FER: variants seen among roughly 807,000 people sequenced by gnomAD.
The protein encoded by FER is tyrosine-protein kinase Fer.
A neutral mutation model predicts 111.0 loss-of-function variants in FER; 63 were observed. That is an observed-to-expected ratio of 0.57 (90% CI 0.46 to 0.70). The LOEUF (loss-of-function observed/expected upper bound fraction) is 0.70. Ranked by LOEUF, FER falls within the 30% of genes least tolerant of loss-of-function variation. The pLI is 0.00. For missense variants in FER, 914 were observed against 954.0 expected (o/e 0.96, Z 0.55); for synonymous variants, 327 against 313.9 (o/e 1.04, Z -0.44).
intron 10 of FER, among the ~76,000 whole-genome samples, chr5:108,929,773 A>T (rs1754303001): frequency 6.6e-6 from 1 of 152,200 alleles, no homozygotes; most frequent in Admixed American, 6.5e-5. Flanking sequence ...ACTTTAAAAT[A>T]TCAGGGGAAA....
intron 16 of FER, among the ~76,000 whole-genome samples, chr5:109,060,784 A>T (rs1186665377): frequency 6.8e-6 from 1 of 147,944 alleles, no homozygotes; most frequent in Admixed American, 6.7e-5. Flanking sequence ...ATATATATAT[A>T]TATACACACC....
chr5:109,050,737 C>A (rs1421374984), intron 16 of FER, among the ~76,000 whole-genome samples: 1 of 151,960 alleles, frequency 6.6e-6, no homozygotes, highest in African/African-American at 2.4e-5. Context: ...TAAACTGATA[C>A]CAAGAATAAA....
chr5:108,950,967 TA>T (rs35248332), intron 11 of FER, among the ~76,000 whole-genome samples: 30,749 of 149,824 alleles, frequency 0.21, 3,702 homozygotes, highest in African/African-American at 0.34. Context: ...CCTATGGAAT[TA>T]AAAAAAAAAT....
At chr5:108,976,113 C>A (rs921490971) in intron 13 of FER, among the ~76,000 whole-genome samples, 5 of 151,984 alleles carry the variant, frequency 3.3e-5, no homozygotes, top group Non-Finnish European at 7.4e-5. Context: ...ATTTAGCATG[C>A]GACAAGGGCC....
intron 3 of FER, among the ~76,000 whole-genome samples, chr5:108,812,969 G>C (rs1352110661): frequency 6.6e-6 from 1 of 151,914 alleles, no homozygotes; most frequent in Non-Finnish European, 1.5e-5. Context: ...TAAATAATAA[G>C]TACATAATTC....
At chr5:109,010,238 A>G (rs1766068345) in intron 13 of FER, among the ~76,000 whole-genome samples, 1 of 152,056 alleles carries the variant, frequency 6.6e-6, no homozygotes, top group African/African-American at 2.4e-5. Context: ...GCCCACTGCA[A>G]GCTCCGCCTC....
In FER at chr5:109,051,472, G is replaced by C; in HGVS notation, c.1924+4274G>C. The C allele has an allele frequency of 5.0e-6, 8 of 1,613,080 alleles. No homozygotes were observed. In the South Asian group the frequency reaches 8.8e-5, roughly 18 times the overall value. On this transcript the variant is annotated intron_variant, in intron 16 of 19. Transcript: ENST00000281092. ...GGGGAAATCAAAAGGCTGTGCGTGG[G>C]AGTTAGAGATGGTGCTTCCCGCCTG... is the stretch of plus-strand genomic sequence containing the variant.
At chr5:108,809,956 A>G (rs1024452999) in intron 3 of FER, among the ~76,000 whole-genome samples, 1 of 152,214 alleles carries the variant, frequency 6.6e-6, no homozygotes, top group Non-Finnish European at 1.5e-5. Context: ...TGATGTCACT[A>G]CATTCACATT....
chr5:108,921,807 A>G (rs1167299098), intron 10 of FER, among the ~76,000 whole-genome samples: 1 of 152,190 alleles, frequency 6.6e-6, no homozygotes, highest in Non-Finnish European at 1.5e-5. Flanking sequence ...GTAGGAATAG[A>G]TGTTTATTTG....
chr5:109,156,913 G>A (rs1401041516), intron 17 of FER, among the ~76,000 whole-genome samples: 1 of 152,020 alleles, frequency 6.6e-6, no homozygotes, highest in Non-Finnish European at 1.5e-5. Flanking sequence ...AGAGAATGGG[G>A]TGATATCTGG....
chr5:109,184,056 T>A (rs1251821504), intron 18 of FER, among the ~76,000 whole-genome samples: 2 of 152,192 alleles, frequency 1.3e-5, no homozygotes, highest in Non-Finnish European at 2.9e-5. Context: ...ATTGCTACCA[T>A]CCTTAGTCAC....
intron 14 of FER, among the ~76,000 whole-genome samples, chr5:109,044,375 G>T (rs1214433613): frequency 6.6e-6 from 1 of 151,974 alleles, no homozygotes; most frequent in African/African-American, 2.4e-5. Context: ...TAGAGACGGG[G>T]TTTCACTGTG....
At chr5:108,870,874 A>G (rs1457154409) in intron 6 of FER, among the ~76,000 whole-genome samples, 1 of 152,128 alleles carries the variant, frequency 6.6e-6, no homozygotes, top group African/African-American at 2.4e-5. Flanking sequence ...GAAGAAATTT[A>G]GATGTCATTC....
intron 17 of FER, among the ~76,000 whole-genome samples, chr5:109,140,632 C>T (rs188465038): frequency 6.6e-6 from 1 of 152,264 alleles, no homozygotes; most frequent in African/African-American, 2.4e-5. Flanking sequence ...TTTTATGCTA[C>T]CCTTATGAAA....
chr5:108,819,936 CT>C (rs1203706097), intron 3 of FER: 2 of 984,806 alleles, frequency 2.0e-6, no homozygotes, highest in African/African-American at 3.5e-5. Context: ...AAAGAGAGGA[CT>C]TTGTTTTTTA....
Position 109,186,279 on chromosome 5 carries a change from C to T in FER, c.2283C>T (p.Tyr761=). ...WETFSLGVCP[Y]PGMTNQQARE... The stretch of plus-strand genomic sequence containing the variant: ...CCTTCAGCTTAGGGGTTTGTCCGTA[C>T]CCTGGAATGACAAATCAGCAAGCAA... Residue 761 remains tyrosine (Y), a synonymous_variant, in exon 19 of 20, where the codon TAC becomes TAT. Transcript: ENST00000281092. 1.2e-6 allele frequency: 2 copies of T among 1,614,040 alleles called. No homozygotes were observed. The highest frequency in any genetic ancestry group is 1.1e-5 in the South Asian group (1 of 91,058).
chr5:109,046,929 A>T (rs540946800), intron 15 of FER, among the ~76,000 whole-genome samples, 175 bp from the exon 16 acceptor site: 1 of 152,246 alleles, frequency 6.6e-6, no homozygotes, highest in Admixed American at 6.5e-5. Context: ...ACAGATACTG[A>T]GGGAAGGCTT....
chr5:108,769,655 G>C (rs547622363), intron 2 of FER, among the ~76,000 whole-genome samples: 1 of 152,202 alleles, frequency 6.6e-6, no homozygotes, highest in East Asian at 1.9e-4. Context: ...TTTTTAGACA[G>C]AACTCATAGG....
chr5:108,790,222 A>G (rs1445154342), intron 2 of FER, among the ~76,000 whole-genome samples: 1 of 134,104 alleles, frequency 7.5e-6, no homozygotes, highest in Admixed American at 8.4e-5. Flanking sequence ...ATGTATACAT[A>G]TATGCATACA....
Sources: allele counts gnomAD v4.1 joint callset (sites outside exome capture counted in the v4.1 genomes callset), GRCh38; gene constraint gnomAD v4.1.1; transcripts MANE v1.5; gene names NCBI Gene and HGNC (gene_info 2026-07-23, HGNC 2026-07-21).